KCNG2: variants seen among roughly 807,000 people sequenced by gnomAD.
The protein encoded by KCNG2 is voltage-gated potassium channel regulatory subunit KCNG2.
Under a neutral mutation model 12.3 loss-of-function variants are expected in KCNG2, and 7 were observed. The observed-to-expected ratio is 0.57, with a 90% CI of 0.32 to 1.07. The LOEUF is 1.07. Ranked by LOEUF, KCNG2 falls within the 50% of genes least tolerant of loss-of-function variation. The pLI is 0.04. For missense variants in KCNG2, 703 were observed against 726.0 expected, an observed-to-expected ratio of 0.97 and a Z score of 0.36; for synonymous variants, 414 against 351.4, an observed-to-expected ratio of 1.18 and a Z score of -1.99.
intron 3 of KCNG2, among the ~76,000 whole-genome samples, chr18:79,872,573 C>T (rs1979892152): frequency 6.6e-6 from 1 of 152,098 alleles, no homozygotes; most frequent in Non-Finnish European, 1.5e-5. Flanking sequence ...GCGGAGGCAC[C>T]GCGCCCGGCC....
chr18:79,855,160 T>A (rs1201947735), intron 1 of KCNG2, among the ~76,000 whole-genome samples: 2 of 152,224 alleles, frequency 1.3e-5, no homozygotes, highest in Non-Finnish European at 1.5e-5. Flanking sequence ...TGGCATGTGC[T>A]CACGGTGGAC....
At chr18:79,874,835 G>A (rs1293427556) in intron 3 of KCNG2, among the ~76,000 whole-genome samples, 1 of 152,182 alleles carries the variant, frequency 6.6e-6, no homozygotes, top group Admixed American at 6.5e-5. Flanking sequence ...GTGTGCTCCT[G>A]CCCCGTTGGC....
intron 3 of KCNG2, among the ~76,000 whole-genome samples, chr18:79,893,444 T>C (rs970274200): frequency 1.3e-5 from 2 of 152,036 alleles, no homozygotes; most frequent in African/African-American, 4.8e-5. Flanking sequence ...TTGATTGGGT[T>C]GTTCACTCCA....
chr18:79,885,453 C>T (rs939057348), intron 3 of KCNG2, among the ~76,000 whole-genome samples: 5 of 152,204 alleles, frequency 3.3e-5, no homozygotes, highest in African/African-American at 1.2e-4. Context: ...TTTCTAACCA[C>T]GGGCAGACCC....
At position 79,807,148 on chromosome 18, in the gene KCNG2, C is replaced by G. The variant is rs540694688; in HGVS notation, c.-115+9134C>G. Among the ~76,000 whole-genome samples the G allele has an allele frequency of 6.6e-5, 10 of 152,224 alleles. No homozygotes were observed. In the South Asian group the frequency reaches 1.7e-3, roughly 25 times the overall value. ...GAGGGTCAGCACCCACCTCAGCCTG[C>G]CTGCATCTGTCTGCACCTCAGGGTC... On this transcript the variant is annotated intron_variant, in intron 1 of 3. Coordinates refer to ENST00000316249, the MANE Select transcript of KCNG2 (RefSeq NM_012283.2).
intron 3 of KCNG2, among the ~76,000 whole-genome samples, chr18:79,893,362 G>A (rs1031691321): frequency 2.0e-4 from 29 of 145,234 alleles, no homozygotes; most frequent in African/African-American, 2.8e-4. Context: ...GATTAATATC[G>A]TTGGGTCTGT....
chr18:79,863,804 T>C lies in KCNG2; in HGVS notation c.137T>C (p.Leu46Pro). The C allele has an allele frequency of 7.5e-7, 1 of 1,325,590 alleles. No homozygotes were observed. Among genetic ancestry groups the C allele is most frequent in the Non-Finnish European group, 9.7e-7 (1 of 1,032,908 alleles). The allele number at this position is 1,325,590 out of a possible 1,614,324, so 82.1% of individuals were successfully genotyped here. ...TGCCCCCTCGCGCGCCTGGAGCGCC[T>C]GCGCGCCTGCCGCGGCCACGACGAC... ...ARCPLARLER[L>P]RACRGHDDLL... Residue 46 changes from leucine to proline, a missense_variant, in exon 3 of 4, where the codon CTG becomes CCG. Leu to Pro is a moderately conservative substitution (Grantham distance 98, BLOSUM62 -3). Transcript: ENST00000316249.
chr18:79,844,837 TG>T (rs1246829414), intron 1 of KCNG2, among the ~76,000 whole-genome samples: 2 of 152,230 alleles, frequency 1.3e-5, no homozygotes, highest in African/African-American at 4.8e-5. Context: ...AGAAAGAATT[TG>T]GCAGTTGCTT....
intron 1 of KCNG2, among the ~76,000 whole-genome samples, chr18:79,847,399 C>T (rs1172206573): frequency 3.9e-5 from 6 of 152,222 alleles, no homozygotes; most frequent in Admixed American, 1.3e-4. Flanking sequence ...CTGGACATTG[C>T]CAGGTGCCCC....
chr18:79,809,905 G>C (rs192266142), intron 1 of KCNG2, among the ~76,000 whole-genome samples: 12 of 152,326 alleles, frequency 7.9e-5, no homozygotes, highest in Non-Finnish European at 1.6e-4. Context: ...CCACTATCGT[G>C]ACGCTCCAAC....
chr18:79,848,578 C>T (rs771399831), intron 1 of KCNG2, among the ~76,000 whole-genome samples: 1 of 152,240 alleles, frequency 6.6e-6, no homozygotes, highest in Admixed American at 6.5e-5. Context: ...ACCCTGTTTC[C>T]CCATGAAGTC....
rs575112437 is a variant in KCNG2, at chr18:79,896,653, C to G, written c.625-2387C>G. 4.0e-4 allele frequency among the ~76,000 whole-genome samples: 61 copies of G among 152,306 alleles called. 2 individuals are homozygous for G. The highest frequency in any genetic ancestry group is 1.4e-3 in the African/African-American group (59 of 41,568). On this transcript the variant is annotated intron_variant, in intron 3 of 3. Coordinates refer to ENST00000316249, the MANE Select transcript of KCNG2 (RefSeq NM_012283.2). ...AAAAAATTCATTTATAGTGTCTTTT[C>G]TAATTACATAATTACCTTTACTAAC...
chr18:79,846,672 C>A (rs1163393798), intron 1 of KCNG2, among the ~76,000 whole-genome samples: 1 of 152,134 alleles, frequency 6.6e-6, no homozygotes, highest in Non-Finnish European at 1.5e-5. Flanking sequence ...ATAAAAAATT[C>A]ATTGGCACAC....
chr18:79,860,258 CCAATAGAATTTTCAACTTGT>C (rs1432709245), intron 2 of KCNG2, among the ~76,000 whole-genome samples: 18 of 152,264 alleles, frequency 1.2e-4, no homozygotes, highest in African/African-American at 4.3e-4. Flanking sequence ...CCTTGCATTT[CCAATAGAATTTTCAACTTGT>C]CAATAGAATG....
In KCNG2 at chr18:79,829,298, CTGTG is replaced by C. The variant is rs752927571; in HGVS notation, c.-114-27073_-114-27070del. 4.7e-5 allele frequency among the ~76,000 whole-genome samples: 7 copies of C among 150,498 alleles called. No individual in the cohort carries two copies. In the East Asian group the frequency reaches 7.9e-4, roughly 17 times the overall value. On this transcript the variant is annotated intron_variant, in intron 1 of 3. Transcript: ENST00000316249. Reference sequence around the variant, plus strand: ...TGTCTGTGTGTGTGTCTGCATGTATCTGTGTGTGTGTCTGTGTGTACATGTGTCT... The same window carrying C: ...TGTCTGTGTGTGTGTCTGCATGTATCTGTGTGTCTGTGTGTACATGTGTCT...
intron 3 of KCNG2, among the ~76,000 whole-genome samples, chr18:79,893,595 G>C (rs998845695): frequency 5.3e-5 from 8 of 151,440 alleles, no homozygotes; most frequent in Non-Finnish European, 8.8e-5. Context: ...GCATTCACAT[G>C]TAATTGATAT....
intron 1 of KCNG2, among the ~76,000 whole-genome samples, chr18:79,805,624 T>A (rs1170266576): frequency 2.6e-5 from 4 of 152,104 alleles, no homozygotes; most frequent in African/African-American, 9.7e-5. Context: ...CGCCTTCGGG[T>A]CTTCATTGTG....
chr18:79,802,695 G>A (rs569897039), intron 1 of KCNG2, among the ~76,000 whole-genome samples: 3 of 150,982 alleles, frequency 2.0e-5, no homozygotes, highest in Non-Finnish European at 4.4e-5. Context: ...TGGTTCTAGC[G>A]TGCATCTGTT....
At chr18:79,845,190 C>G (rs1013509565) in intron 1 of KCNG2, among the ~76,000 whole-genome samples, 2 of 152,166 alleles carry the variant, frequency 1.3e-5, no homozygotes, top group Non-Finnish European at 1.5e-5. Context: ...GGGTGTGGTT[C>G]AACATTCATA....
Sources: gnomAD v4.1 joint callset for allele counts (sites outside exome capture counted in the v4.1 genomes callset) on GRCh38, gnomAD v4.1.1 for gene constraint, MANE v1.5 for transcripts, NCBI Gene and HGNC (gene_info 2026-07-23, HGNC 2026-07-21) for gene names.